Variants in LRP1B observed in about 807,000 individuals in gnomAD.
LRP1B encodes the protein low-density lipoprotein receptor-related protein 1B.
LRP1B carries 217 observed loss-of-function variants against 556.6 expected under a neutral mutation model. The ratio of observed to expected loss-of-function variants is 0.39; its 90% CI spans 0.35 to 0.44. The LOEUF (loss-of-function observed/expected upper bound fraction) is 0.44. Among genes scored for constraint, LRP1B ranks in the 20% least tolerant of loss-of-function variants. LRP1B has a pLI of 1.00. For synonymous variants in LRP1B, 2,047 were observed against 1,865.8 expected, an observed-to-expected ratio of 1.10 and a Z score of -2.50; for missense variants, 5,053 against 5,620.8, an observed-to-expected ratio of 0.90 and a Z score of 3.23.
intron 75 of LRP1B, 116 bp downstream of exon 75, chr2:140,356,226 G>A (rs879542918): frequency 1.5e-5 from 16 of 1,070,818 alleles, no homozygotes; most frequent in East Asian, 2.4e-5. Context: ...ATGGTATCCC[G>A]TAGATACACA....
At chr2:140,833,703 T>C (rs1691797699) in intron 31 of LRP1B, among the ~76,000 whole-genome samples, 1 of 152,280 alleles carries the variant, frequency 6.6e-6, no homozygotes, top group East Asian at 1.9e-4. Flanking sequence ...TATATACATA[T>C]ATACACACCC....
At chr2:141,882,994 C>T (rs1225684882) in intron 1 of LRP1B, among the ~76,000 whole-genome samples, 3 of 152,078 alleles carry the variant, frequency 2.0e-5, no homozygotes, top group Admixed American at 6.6e-5. Context: ...GGCTAAAGTA[C>T]GCAGCTATTC....
At chr2:141,672,601 C>T (rs1690714003) in intron 2 of LRP1B, among the ~76,000 whole-genome samples, 1 of 151,180 alleles carries the variant, frequency 6.6e-6, no homozygotes. Context: ...TGTGAGTCAG[C>T]ACATCAATTC....
At chr2:142,095,946 A>G (rs966706658) in intron 1 of LRP1B, among the ~76,000 whole-genome samples, 2 of 151,724 alleles carry the variant, frequency 1.3e-5, no homozygotes, top group African/African-American at 4.8e-5. Flanking sequence ...GTTCCATTCA[A>G]TTCCTGGTGA....
At chr2:140,926,592 C>T (rs1694894096) in intron 20 of LRP1B, among the ~76,000 whole-genome samples, 1 of 152,122 alleles carries the variant, frequency 6.6e-6, no homozygotes, top group Admixed American at 6.6e-5. Context: ...ATTCTCCCGC[C>T]TCAGTCTCCC....
At position 140,370,686 on chromosome 2, in the gene LRP1B, C is replaced by T. The variant is rs559597774; in HGVS notation, c.11008+24G>A. On this transcript the variant is annotated intron_variant, in intron 71 of 90. Coordinates refer to ENST00000389484, the MANE Select transcript of LRP1B (RefSeq NM_018557.3). ...TAACTTTCATTCTCTCATTTACAGG[C>T]ACACACACACAAAAATACCTTACCT... 6.2e-6 allele frequency: 10 copies of T among 1,602,842 alleles called. No individual in the cohort carries two copies. In the South Asian group the frequency reaches 8.9e-5, roughly 14 times the overall value.
Position 140,628,414 on chromosome 2 carries a change from G to C in LRP1B, c.6800-26775C>G, listed in dbSNP as rs532167900. On this transcript the variant is annotated intron_variant, in intron 41 of 90. Coordinates refer to ENST00000389484, the MANE Select transcript of LRP1B (RefSeq NM_018557.3). ...TAGCCGGGCATGGTGGCGGGTGCCT[G>C]TAGTCCCAGCTACTCGGGAGGCTGA... Among the ~76,000 whole-genome samples, 172 of 152,050 alleles carry C rather than the reference G, an allele frequency of 1.1e-3. 1 individual carries two copies. Among genetic ancestry groups the C allele is most frequent in the African/African-American group, 3.6e-3 (150 of 41,492 alleles).
At chr2:141,460,444 C>G (rs1681819996) in intron 3 of LRP1B, among the ~76,000 whole-genome samples, 1 of 152,080 alleles carries the variant, frequency 6.6e-6, no homozygotes, top group African/African-American at 2.4e-5. Flanking sequence ...GAGATGAGGT[C>G]AGACAAATAA....
intron 2 of LRP1B, among the ~76,000 whole-genome samples, chr2:141,483,957 C>G (rs1323254491): frequency 6.6e-6 from 1 of 151,628 alleles, no homozygotes; most frequent in Non-Finnish European, 1.5e-5. Flanking sequence ...TGCAGAAGCT[C>G]TTTAGTTTAA....
intron 1 of LRP1B, among the ~76,000 whole-genome samples, chr2:141,881,593 T>C (rs1698958860): frequency 6.6e-6 from 1 of 152,078 alleles, no homozygotes; most frequent in African/African-American, 2.4e-5. Context: ...AGATATTCTT[T>C]GATTAAAAAC....
chr2:140,543,479 TA>T (rs780091213), intron 43 of LRP1B, among the ~76,000 whole-genome samples: 1 of 151,962 alleles, frequency 6.6e-6, no homozygotes, highest in Non-Finnish European at 1.5e-5. Context: ...TAATTCACCA[TA>T]ATAGCTGACT....
chr2:141,021,956 A>G (rs1043329271), intron 11 of LRP1B, among the ~76,000 whole-genome samples: 1 of 151,930 alleles, frequency 6.6e-6, no homozygotes, highest in African/African-American at 2.4e-5. Flanking sequence ...GGATTAAAAA[A>G]TATTTTATAT....
rs774594901 is a variant in LRP1B, at chr2:141,005,475, C to A, written c.2381-18G>T. On this transcript the variant is annotated intron_variant, in intron 14 of 90. Transcript: ENST00000389484. Reference sequence around the variant, plus strand: ...ATTGTCACCTGCAAGAGGAAGAAAGCAAATGTGTCAGAGAACTCTGATTCA... The same window carrying A: ...ATTGTCACCTGCAAGAGGAAGAAAGAAAATGTGTCAGAGAACTCTGATTCA... 264 of 1,607,138 alleles carry A rather than the reference C, an allele frequency of 1.6e-4. No homozygotes were observed. The highest frequency in any genetic ancestry group is 2.0e-4 in the Non-Finnish European group (240 of 1,175,750).
At chr2:141,372,676 C>T (rs931895443) in intron 3 of LRP1B, among the ~76,000 whole-genome samples, 2 of 152,032 alleles carry the variant, frequency 1.3e-5, no homozygotes, top group African/African-American at 4.8e-5. Context: ...TACAGATGTT[C>T]ATAGCAGTCT....
At chr2:141,737,700 A>G (rs1467914119) in intron 2 of LRP1B, among the ~76,000 whole-genome samples, 1 of 152,112 alleles carries the variant, frequency 6.6e-6, no homozygotes, top group Non-Finnish European at 1.5e-5. Flanking sequence ...TCTCACACTC[A>G]CAGAATAGTG....
intron 16 of LRP1B, 152 bp downstream of exon 16, chr2:140,993,843 G>C: frequency 1.4e-6 from 1 of 701,252 alleles, no homozygotes; most frequent in East Asian, 2.8e-5. Context: ...GCAATCTATG[G>C]TCTACTCTTT....
chr2:141,470,299 A>C (rs1443360871), intron 3 of LRP1B, among the ~76,000 whole-genome samples: 1 of 152,206 alleles, frequency 6.6e-6, no homozygotes. Flanking sequence ...CACCAAATGA[A>C]AGCACTAATT....
In LRP1B at chr2:141,566,242, T is replaced by C. The variant is rs2105255600; in HGVS notation, c.206-85709A>G. Among the ~76,000 whole-genome samples the C allele has an allele frequency of 1.3e-5, 2 of 150,062 alleles. 1 individual carries two copies. Among genetic ancestry groups the C allele is most frequent in the Middle Eastern group, 7.1e-3 (2 of 280 alleles). On this transcript the variant is annotated intron_variant, in intron 2 of 90. Transcript: ENST00000389484. The stretch of plus-strand genomic sequence containing the variant: ...GAAACAACAACAAAAAAGGGCAGAC[T>C]GGGAAATTAAAACTCTGCCAAAAAC...
At chr2:140,325,614 T>G (rs189438341) in intron 80 of LRP1B, 148 bp downstream of exon 80, 27 of 510,586 alleles carry the variant, frequency 5.3e-5, no homozygotes, top group African/African-American at 5.1e-4. Context: ...AATGAAAATT[T>G]TAATTACTAG....
Sources: allele counts gnomAD v4.1 joint callset (sites outside exome capture counted in the v4.1 genomes callset), GRCh38; gene constraint gnomAD v4.1.1; transcripts MANE v1.5; gene names NCBI Gene and HGNC (gene_info 2026-07-23, HGNC 2026-07-21).